TRPC4: variants seen among roughly 807,000 people sequenced by gnomAD.
TRPC4 encodes the protein transient receptor potential cation channel subfamily C member 4, also known as short transient receptor potential channel 4.
TRPC4 carries 49 observed loss-of-function variants against 99.4 expected under a neutral mutation model. That is an observed-to-expected ratio of 0.49 (90% CI 0.39 to 0.63). TRPC4 has a LOEUF of 0.63. Ranked by LOEUF, TRPC4 falls within the 20% of genes least tolerant of loss-of-function variation. The pLI is 0.00. For synonymous variants in TRPC4, 454 were observed against 425.9 expected (o/e 1.07, Z -0.81); for missense variants, 898 against 1,152.9 (o/e 0.78, Z 3.20).
intron 4 of TRPC4, among the ~76,000 whole-genome samples, chr13:37,684,775 G>A (rs980394321): frequency 4.2e-5 from 6 of 143,640 alleles, no homozygotes; most frequent in South Asian, 4.5e-4. Context: ...TATTTCTTTC[G>A]ATTTTCCTGA....
chr13:37,687,996 A>G (rs929095090), intron 4 of TRPC4, among the ~76,000 whole-genome samples: 8 of 152,236 alleles, frequency 5.3e-5, no homozygotes, highest in African/African-American at 1.9e-4. Context: ...TGCATTAGTT[A>G]GAACTGTATC....
intron 3 of TRPC4, among the ~76,000 whole-genome samples, chr13:37,723,342 T>C (rs7984497): frequency 0.021 from 3,230 of 152,116 alleles, 121 homozygotes; most frequent in African/African-American, 0.073. Flanking sequence ...AATAAACACC[T>C]AATCCAATAG....
chr13:37,731,174 C>G (rs950999444), intron 3 of TRPC4, among the ~76,000 whole-genome samples: 9 of 152,028 alleles, frequency 5.9e-5, no homozygotes, highest in African/African-American at 2.2e-4. Context: ...TTGGCACTTA[C>G]AATTTAGCTG....
intron 3 of TRPC4, among the ~76,000 whole-genome samples, chr13:37,719,768 G>A (rs899189025): frequency 6.6e-5 from 10 of 151,464 alleles, no homozygotes; most frequent in African/African-American, 2.4e-4. Flanking sequence ...TATTGTGGCA[G>A]ACAGAATAAT....
chr13:37,749,656 T>A (rs1472198999), intron 2 of TRPC4, among the ~76,000 whole-genome samples: 1 of 152,158 alleles, frequency 6.6e-6, no homozygotes, highest in Non-Finnish European at 1.5e-5. Flanking sequence ...AATTATTACA[T>A]GGTTTTTGAA....
chr13:37,635,690 T>C lies in TRPC4; in HGVS notation c.*1213A>G, dbSNP rs1203386671. Among the ~76,000 whole-genome samples, 1 of 152,158 alleles carries C rather than the reference T, an allele frequency of 6.6e-6. No homozygotes were observed. The highest frequency in any genetic ancestry group is 1.5e-5 in the Non-Finnish European group (1 of 68,006). On this transcript the variant is annotated 3_prime_UTR_variant, in exon 11 of 11. Transcript: ENST00000379705. ...CACAAGCAATGTAAAATTTAAGCTT[T>C]AAGTTTCTAGTATCAATTTTATGTA...
chr13:37,728,083 T>C (rs1284764556), intron 3 of TRPC4, among the ~76,000 whole-genome samples: 4 of 151,940 alleles, frequency 2.6e-5, no homozygotes, highest in Non-Finnish European at 4.4e-5. Flanking sequence ...ACAATGGACA[T>C]CATACTCAAT....
intron 6 of TRPC4, among the ~76,000 whole-genome samples, chr13:37,660,587 G>A (rs949389510): frequency 6.6e-6 from 1 of 152,086 alleles, no homozygotes. Context: ...TGAGTGGAAG[G>A]AATAATAGAG....
intron 3 of TRPC4, among the ~76,000 whole-genome samples, chr13:37,733,959 G>A (rs1016291537): frequency 6.6e-6 from 1 of 152,120 alleles, no homozygotes; most frequent in South Asian, 2.1e-4. Context: ...TGTTCTGGAA[G>A]TCTTCACTGA....
chr13:37,745,487 C>A (rs1566138492), intron 3 of TRPC4, among the ~76,000 whole-genome samples: 1 of 117,004 alleles, frequency 8.5e-6, no homozygotes, highest in South Asian at 2.7e-4. Context: ...CACACACACA[C>A]ACTTATATAT....
chr13:37,705,720 G>C (rs1175512164), intron 3 of TRPC4, among the ~76,000 whole-genome samples: 2 of 152,044 alleles, frequency 1.3e-5, no homozygotes, highest in Non-Finnish European at 2.9e-5. Context: ...ATATTTACCT[G>C]CATCTTTCTC....
At chr13:37,715,361 T>C (rs979375682) in intron 3 of TRPC4, among the ~76,000 whole-genome samples, 2 of 152,136 alleles carry the variant, frequency 1.3e-5, no homozygotes, top group Non-Finnish European at 2.9e-5. Flanking sequence ...TGGTAGTAAA[T>C]GAATAAGAGA....
At chr13:37,837,555 G>T (rs1958600429) in intron 1 of TRPC4, among the ~76,000 whole-genome samples, 1 of 152,180 alleles carries the variant, frequency 6.6e-6, no homozygotes, top group Non-Finnish European at 1.5e-5. Flanking sequence ...GGGGCCTGTA[G>T]CCTCTTTTTG....
chr13:37,788,062 T>C lies in TRPC4; in HGVS notation c.-27-4702A>G, dbSNP rs193193705. ...TCTTTTAGAAAATAATGTGTAATAG[T>C]CAAAGTTTGAAACTCCACCCTGAGA... On this transcript the variant is annotated intron_variant, in intron 1 of 10. Coordinates refer to ENST00000379705, the MANE Select transcript of TRPC4 (RefSeq NM_016179.4). Among the ~76,000 whole-genome samples the C allele has an allele frequency of 6.6e-5, 10 of 152,162 alleles. No individual in the cohort carries two copies. The East Asian group carries it at 1.7e-3, about 27-fold the overall frequency.
At chr13:37,668,173 T>C (rs964824755) in intron 5 of TRPC4, among the ~76,000 whole-genome samples, 9 of 152,246 alleles carry the variant, frequency 5.9e-5, no homozygotes, top group African/African-American at 2.2e-4. Context: ...TCTAGGATCA[T>C]TAATTCCTGT....
intron 1 of TRPC4, among the ~76,000 whole-genome samples, chr13:37,848,922 T>G: frequency 6.6e-6 from 1 of 152,190 alleles, no homozygotes; most frequent in East Asian, 1.9e-4. Context: ...TCTCAACATC[T>G]TCTCTTCCTT....
intron 3 of TRPC4, among the ~76,000 whole-genome samples, chr13:37,744,011 A>C (rs1035769939): frequency 6.6e-6 from 1 of 152,198 alleles, no homozygotes; most frequent in African/African-American, 2.4e-5. Context: ...TGAGCAGAGC[A>C]GGCTGCTTCT....
intron 2 of TRPC4, among the ~76,000 whole-genome samples, chr13:37,772,388 G>A (rs1956578162): frequency 6.6e-6 from 1 of 151,638 alleles, no homozygotes; most frequent in African/African-American, 2.4e-5. Context: ...GTTAAAGAGA[G>A]GAGAGGGAGG....
At chr13:37,816,394 AG>A (rs1957854973) in intron 1 of TRPC4, among the ~76,000 whole-genome samples, 1 of 151,914 alleles carries the variant, frequency 6.6e-6, no homozygotes, top group South Asian at 2.1e-4. Context: ...TGGACCTGAT[AG>A]ATATCTACAG....
Sources: allele counts gnomAD v4.1 joint callset (sites outside exome capture counted in the v4.1 genomes callset), GRCh38; gene constraint gnomAD v4.1.1; transcripts MANE v1.5; gene names NCBI Gene and HGNC (gene_info 2026-07-23, HGNC 2026-07-21).